Variants in FZD10 observed in about 807,000 individuals in gnomAD.
FZD10 encodes frizzled-10.
A neutral mutation model predicts 24.4 loss-of-function variants in FZD10; 14 were observed. That is an observed-to-expected ratio of 0.57 (90% CI 0.38 to 0.90). The LOEUF is 0.90. Among genes scored for constraint, FZD10 ranks in the 40% least tolerant of loss-of-function variants. FZD10 has a pLI of 0.00. For missense variants in FZD10, 775 were observed against 816.6 expected (o/e 0.95, Z 0.62); for synonymous variants, 381 against 349.1 (o/e 1.09, Z -1.02).
In FZD10 at chr12:130,164,967, C is replaced by T. The variant is rs1282525694; in HGVS notation, c.*279C>T. On this transcript the variant is annotated 3_prime_UTR_variant, in exon 1 of 1. Coordinates refer to ENST00000229030, the MANE Select transcript of FZD10 (RefSeq NM_007197.4). This position sits in a 1 kb window ranked among gnomAD's most constrained non-coding sequence, Gnocchi z 5.3. ...TTGTGGTAAAGTAGTTGATTCAGCC[C>T]TCAGAAGAAAACTTTTGTTTAGAGC... 8 of 337,926 alleles carry T rather than the reference C, an allele frequency of 2.4e-5. No homozygotes were observed. Among genetic ancestry groups the T allele is most frequent in the Non-Finnish European group, 3.9e-5 (7 of 177,756 alleles). 20.9% of individuals were successfully genotyped at this position (337,926 alleles called of 1,614,324 possible). A position where few individuals can be genotyped will look rare whatever the true frequency, so the allele number is the denominator to read the frequency against.
chr12:130,163,596 C>T lies in FZD10; in HGVS notation c.654C>T (p.Tyr218=), dbSNP rs780486355. ...APLCTPGVDV[Y]WSREDKRFAV... ...TCTGCACGCCCGGCGTGGACGTGTACTGGAGCCGCGAGGACAAGCGCTTCG... is the reference window on the plus strand; with the variant it reads ...TCTGCACGCCCGGCGTGGACGTGTATTGGAGCCGCGAGGACAAGCGCTTCG... Residue 218 remains tyrosine (Y), a synonymous_variant, in exon 1 of 1, where the codon TAC becomes TAT. Transcript: ENST00000229030. 35 of 1,611,792 alleles carry T rather than the reference C, an allele frequency of 2.2e-5. No individual in the cohort carries two copies. Among genetic ancestry groups the T allele is most frequent in the Non-Finnish European group, 2.8e-5 (33 of 1,179,428 alleles).
In FZD10 at chr12:130,165,619, A is replaced by G. The variant is rs1871803201; in HGVS notation, c.*931A>G. 6.0e-6 allele frequency: 1 copy of G among 167,102 alleles called. No homozygotes were observed. The highest frequency in any genetic ancestry group is 6.5e-5 in the Admixed American group (1 of 15,292). 10.4% of individuals were successfully genotyped at this position (167,102 alleles called of 1,614,324 possible). A position where few individuals can be genotyped will look rare whatever the true frequency, so the allele number is the denominator to read the frequency against. On this transcript the variant is annotated 3_prime_UTR_variant, in exon 1 of 1. Transcript: ENST00000229030. Reference sequence around the variant, plus strand: ...CTAGGTTGGCAGAGACACTTTGTCTAGTGTATTCTCTTCACAGTGCCAGGA... The same window carrying G: ...CTAGGTTGGCAGAGACACTTTGTCTGGTGTATTCTCTTCACAGTGCCAGGA...
At position 130,163,398 on chromosome 12, in the gene FZD10, C is replaced by T; in HGVS notation, c.456C>T (p.Asn152=). ...ACTACCTGTGCATGGAGGCGCCCAA[C>T]AACGGCTCGGACGAGCCCACCCGGG... The part of the protein sequence containing the change: ...DPNYLCMEAP[N]NGSDEPTRGS... The change falls in exon 1 of 1, where the codon AAC becomes AAT. Residue 152 remains asparagine (N), a synonymous_variant. Transcript: ENST00000229030. 4 of 1,612,630 alleles carry T rather than the reference C, an allele frequency of 2.5e-6. No homozygotes were observed. The highest frequency in any genetic ancestry group is 3.4e-6 in the Non-Finnish European group (4 of 1,179,946).
At position 130,162,594 on chromosome 12, in the gene FZD10, C is replaced by T. The variant is rs1190913973; in HGVS notation, c.-349C>T. On this transcript the variant is annotated 5_prime_UTR_variant, in exon 1 of 1. Transcript: ENST00000229030. ...GGCCGGCCTCGGTGTGCCCGCGCCGCCAGCCCGCTCCAGACGCGCCACCTG... is the reference window on the plus strand; with the variant it reads ...GGCCGGCCTCGGTGTGCCCGCGCCGTCAGCCCGCTCCAGACGCGCCACCTG... 1 of 158,066 alleles carries T rather than the reference C, an allele frequency of 6.3e-6. No individual in the cohort carries two copies. The allele number at this position is 158,066 out of a possible 1,614,324, so 9.8% of individuals were successfully genotyped here.
chr12:130,163,358 A>G lies in FZD10; in HGVS notation c.416A>G (p.Asn139Ser). 1.7e-5 allele frequency: 28 copies of G among 1,612,690 alleles called. No individual in the cohort carries two copies. Among genetic ancestry groups the G allele is most frequent in the Non-Finnish European group, 2.3e-5 (27 of 1,179,858 alleles). The change falls in exon 1 of 1, where the codon AAC (asparagine) becomes AGC (serine). Residue 139 changes from asparagine (N) to serine (S), a missense_variant. Physicochemically the swap from Asn to Ser is conservative, Grantham distance 46 (BLOSUM62 1). Transcript: ENST00000229030. ...TCCCTGGACTGCCGGAAACTCCCCAACAAGAACGACCCCAACTACCTGTGC... is the reference window on the plus strand; with the variant it reads ...TCCCTGGACTGCCGGAAACTCCCCAGCAAGAACGACCCCAACTACCTGTGC... ...PDSLDCRKLP[N>S]KNDPNYLCME... is the part of the protein sequence containing the mutation.
In FZD10 at chr12:130,163,402, G is replaced by T; in HGVS notation, c.460G>T (p.Gly154Cys). 3 of 1,612,516 alleles carry T rather than the reference G, an allele frequency of 1.9e-6. No homozygotes were observed. Among genetic ancestry groups the T allele is most frequent in the Non-Finnish European group, 2.5e-6 (3 of 1,179,930 alleles). ...NYLCMEAPNN[G>C]SDEPTRGSGL... Reference sequence around the variant, plus strand: ...CCTGTGCATGGAGGCGCCCAACAACGGCTCGGACGAGCCCACCCGGGGCTC... The same window carrying T: ...CCTGTGCATGGAGGCGCCCAACAACTGCTCGGACGAGCCCACCCGGGGCTC... The change falls in exon 1 of 1, where the codon GGC becomes TGC. Residue 154 changes from glycine to cysteine, a missense_variant. Gly to Cys is a radical substitution (Grantham distance 159, BLOSUM62 -3). Coordinates refer to ENST00000229030, the MANE Select transcript of FZD10 (RefSeq NM_007197.4).
chr12:130,164,637 A>C lies in FZD10; in HGVS notation c.1695A>C (p.Lys565Asn). The change falls in exon 1 of 1, where the codon AAA becomes AAC. Residue 565 changes from lysine to asparagine, a missense_variant. Physicochemically the swap from Lys to Asn is moderately conservative, Grantham distance 94 (BLOSUM62 0). Coordinates refer to ENST00000229030, the MANE Select transcript of FZD10 (RefSeq NM_007197.4). This position sits in a 1 kb window ranked among gnomAD's most constrained non-coding sequence, Gnocchi z 5.3. ...GIYKKAQHPQKTHHGKYEIPA... is the reference protein window; with the variant it reads ...GIYKKAQHPQNTHHGKYEIPA... ...ACAAAAAAGCCCAGCATCCCCAGAAAACTCACCACGGGAAATATGAGATCC... is the reference window on the plus strand; with the variant it reads ...ACAAAAAAGCCCAGCATCCCCAGAACACTCACCACGGGAAATATGAGATCC... 1 of 1,612,390 alleles carries C rather than the reference A, an allele frequency of 6.2e-7. No individual in the cohort carries two copies. Among genetic ancestry groups the C allele is most frequent in the South Asian group, 1.1e-5 (1 of 90,994 alleles).
In FZD10 at chr12:130,164,741, T is replaced by C; in HGVS notation, c.*53T>C. 1 of 1,266,926 alleles carries C rather than the reference T, an allele frequency of 7.9e-7. No homozygotes were observed. The highest frequency in any genetic ancestry group is 1.6e-5 in the South Asian group (1 of 62,510). The allele number at this position is 1,266,926 out of a possible 1,614,324, so 78.5% of individuals were successfully genotyped here. ...CGCCCGGAGCTAAGATGTGGTGCTT[T>C]TCTTGGTTGTGTTTTTCTTTCTTCT... On this transcript the variant is annotated 3_prime_UTR_variant, in exon 1 of 1. Coordinates refer to ENST00000229030, the MANE Select transcript of FZD10 (RefSeq NM_007197.4). The surrounding 1 kb of genome is among the most constrained non-coding windows in gnomAD (Gnocchi z 5.3).
Position 130,163,381 on chromosome 12 carries a change from T to G in FZD10, c.439T>G (p.Cys147Gly). The G allele has an allele frequency of 6.2e-7, 1 of 1,612,658 alleles. No individual in the cohort carries two copies. The highest frequency in any genetic ancestry group is 8.5e-7 in the Non-Finnish European group (1 of 1,179,942). ...LPNKNDPNYL[C>G]MEAPNNGSDE... ...CAACAAGAACGACCCCAACTACCTGTGCATGGAGGCGCCCAACAACGGCTC... is the reference window on the plus strand; with the variant it reads ...CAACAAGAACGACCCCAACTACCTGGGCATGGAGGCGCCCAACAACGGCTC... The change falls in exon 1 of 1, where the codon TGC becomes GGC. Residue 147 changes from cysteine to glycine, a missense_variant. Cys to Gly is a radical substitution (Grantham distance 159). Coordinates refer to ENST00000229030, the MANE Select transcript of FZD10 (RefSeq NM_007197.4).
At position 130,162,927 on chromosome 12, in the gene FZD10, C is replaced by A. The variant is rs1350275794; in HGVS notation, c.-16C>A. The A allele has an allele frequency of 6.7e-7, 1 of 1,481,570 alleles. No homozygotes were observed. 91.8% of individuals were successfully genotyped at this position (1,481,570 alleles called of 1,614,324 possible). On this transcript the variant is annotated 5_prime_UTR_variant, in exon 1 of 1. Coordinates refer to ENST00000229030, the MANE Select transcript of FZD10 (RefSeq NM_007197.4). ...AGGGGCGCGGAGCTCCCCGCGAGGA[C>A]ACGTCCAACGCCAGCATGCAGCGCC...
At position 130,163,174 on chromosome 12, in the gene FZD10, G is replaced by T. The variant is rs1303481461; in HGVS notation, c.232G>T (p.Gly78Cys). 6.2e-7 allele frequency: 1 copy of T among 1,612,792 alleles called. No individual in the cohort carries two copies. Among genetic ancestry groups the T allele is most frequent in the Admixed American group, 1.7e-5 (1 of 60,022 alleles). The change falls in exon 1 of 1, where the codon GGC becomes TGC. Residue 78 changes from glycine (G) to cysteine (C), a missense_variant. Physicochemically the swap from Gly to Cys is radical, Grantham distance 159. Coordinates refer to ENST00000229030, the MANE Select transcript of FZD10 (RefSeq NM_007197.4). ...LHEFAPLVEY[G>C]CHGHLRFFLC... ...CGAGTTCGCGCCGCTGGTGGAGTAC[G>T]GCTGCCACGGCCACCTCCGCTTCTT...
At position 130,162,743 on chromosome 12, in the gene FZD10, C is replaced by T. The variant is rs1871686448; in HGVS notation, c.-200C>T. 3.4e-6 allele frequency: 1 copy of T among 294,534 alleles called. No individual in the cohort carries two copies. The highest frequency in any genetic ancestry group is 6.3e-6 in the Non-Finnish European group (1 of 159,574). The allele number at this position is 294,534 out of a possible 1,614,324, so 18.2% of individuals were successfully genotyped here. A position where few individuals can be genotyped will look rare whatever the true frequency, so the allele number is the denominator to read the frequency against. On this transcript the variant is annotated 5_prime_UTR_variant, in exon 1 of 1. Transcript: ENST00000229030. The stretch of plus-strand genomic sequence containing the variant: ...TATTGTTTGCAAACTTTGCTGCTCT[C>T]CGCCGCGGCCCCCAACTCGGCGGAC...
At position 130,163,273 on chromosome 12, in the gene FZD10, G is replaced by C. The variant is rs765552086; in HGVS notation, c.331G>C (p.Glu111Gln). The change falls in exon 1 of 1, where the codon GAG becomes CAG. Residue 111 changes from glutamate (E) to glutamine (Q), a missense_variant. Transcript: ENST00000229030. ...TPIPACRVMC[E>Q]QARLKCSPIM... is the part of the protein sequence containing the mutation. ...CATCCCCGCCTGCCGGGTCATGTGC[G>C]AGCAGGCCCGGCTCAAGTGCTCCCC... The C allele has an allele frequency of 6.2e-7, 1 of 1,613,114 alleles. No homozygotes were observed. Among genetic ancestry groups the C allele is most frequent in the Non-Finnish European group, 8.5e-7 (1 of 1,179,966 alleles).
chr12:130,164,983 T>C lies in FZD10; in HGVS notation c.*295T>C, dbSNP rs573739657. The stretch of plus-strand genomic sequence containing the variant: ...GATTCAGCCCTCAGAAGAAAACTTT[T>C]GTTTAGAGCCCTCCCTAAATATACA... On this transcript the variant is annotated 3_prime_UTR_variant, in exon 1 of 1. Coordinates refer to ENST00000229030, the MANE Select transcript of FZD10 (RefSeq NM_007197.4). This position sits in a 1 kb window ranked among gnomAD's most constrained non-coding sequence, Gnocchi z 5.3. 5.8e-5 allele frequency: 18 copies of C among 309,526 alleles called. No individual in the cohort carries two copies. In the South Asian group the frequency reaches 1.4e-3, roughly 24 times the overall value. 19.2% of individuals were successfully genotyped at this position (309,526 alleles called of 1,614,324 possible).
rs758767636 is a variant in FZD10, at chr12:130,163,791, C to T, written c.849C>T (p.Ala283=). ...TGGGCTACCTCATCCGCCTCTTCGCCGGCGCCGAGAGCATCGCCTGCGACC... is the reference window on the plus strand; with the variant it reads ...TGGGCTACCTCATCCGCCTCTTCGCTGGCGCCGAGAGCATCGCCTGCGACC... ...YSVGYLIRLF[A]GAESIACDRD... Residue 283 remains alanine, a synonymous_variant, in exon 1 of 1, where the codon GCC becomes GCT. Coordinates refer to ENST00000229030, the MANE Select transcript of FZD10 (RefSeq NM_007197.4). The T allele has an allele frequency of 3.1e-6, 5 of 1,613,812 alleles. No homozygotes were observed. Among genetic ancestry groups the T allele is most frequent in the African/African-American group, 2.7e-5 (2 of 74,944 alleles).
Position 130,164,420 on chromosome 12 carries a change from T to C in FZD10, c.1478T>C (p.Leu493Pro). The C allele has an allele frequency of 1.2e-6, 2 of 1,613,926 alleles. No individual in the cohort carries two copies. The highest frequency in any genetic ancestry group is 4.5e-5 in the East Asian group (2 of 44,878). The change falls in exon 1 of 1, where the codon CTG (leucine) becomes CCG (proline). Residue 493 changes from leucine to proline, a missense_variant. Physicochemically the swap from Leu to Pro is moderately conservative, Grantham distance 98. Transcript: ENST00000229030. This position sits in a 1 kb window ranked among gnomAD's most constrained non-coding sequence, Gnocchi z 5.3. ...AACCAGACTAAAACGCTGGACTGCC[T>C]GATGGCCGCCTCCATCCCCGCCGTG... ...MNNQTKTLDC[L>P]MAASIPAVEI...
chr12:130,163,155 C>T lies in FZD10; in HGVS notation c.213C>T (p.Phe71=). The T allele has an allele frequency of 1.9e-6, 3 of 1,612,916 alleles. No individual in the cohort carries two copies. The highest frequency in any genetic ancestry group is 2.5e-6 in the Non-Finnish European group (3 of 1,179,924). Residue 71 remains phenylalanine (F), a synonymous_variant, in exon 1 of 1, where the codon TTC becomes TTT. Transcript: ENST00000229030. ...AGGCAGCCATCCAGTTGCACGAGTT[C>T]GCGCCGCTGGTGGAGTACGGCTGCC... ...QREAAIQLHE[F]APLVEYGCHG...
Position 130,165,477 on chromosome 12 carries a change from A to G in FZD10, c.*789A>G, listed in dbSNP as rs1871798278. On this transcript the variant is annotated 3_prime_UTR_variant, in exon 1 of 1. Transcript: ENST00000229030. ...CCAAGCCAATGTTATAGACGTTTGGACTGATTTGTGGAAAGGAGGGGGGAA... is the reference window on the plus strand; with the variant it reads ...CCAAGCCAATGTTATAGACGTTTGGGCTGATTTGTGGAAAGGAGGGGGGAA... The G allele has an allele frequency of 6.0e-6, 1 of 167,014 alleles. No homozygotes were observed. Among genetic ancestry groups the G allele is most frequent in the Non-Finnish European group, 1.5e-5 (1 of 68,126 alleles). 10.3% of individuals were successfully genotyped at this position (167,014 alleles called of 1,614,324 possible).
In FZD10 at chr12:130,163,518, C is replaced by A. The variant is rs1871723744; in HGVS notation, c.576C>A (p.Cys192Ter). 1 of 1,585,236 alleles carries A rather than the reference C, an allele frequency of 6.3e-7. No homozygotes were observed. Among genetic ancestry groups the A allele is most frequent in the Non-Finnish European group, 8.6e-7 (1 of 1,167,066 alleles). ...LKDGGPGRGGCDNPGKFHHVE... is the reference protein window; with the variant it reads ...LKDGGPGRGG ...ACGGGGGCCCCGGGCGCGGCGGCTGCGACAACCCGGGCAAGTTCCACCACG... is the reference window on the plus strand; with the variant it reads ...ACGGGGGCCCCGGGCGCGGCGGCTGAGACAACCCGGGCAAGTTCCACCACG... Residue 192 changes from cysteine to a stop codon, truncating the protein, a stop_gained, in exon 1 of 1, where the codon TGC becomes TGA. Transcript: ENST00000229030. LOFTEE classifies it high-confidence loss of function.
Sources: allele counts gnomAD v4.1 joint callset, GRCh38; gene constraint gnomAD v4.1.1; non-coding constraint Gnocchi (gnomAD v3.1); transcripts MANE v1.5; gene names NCBI Gene and HGNC (gene_info 2026-07-23, HGNC 2026-07-21).